TASP1: variants seen among roughly 807,000 people sequenced by gnomAD.
TASP1 encodes threonine aspartase 1.
A neutral mutation model predicts 56.6 loss-of-function variants in TASP1; 16 were observed. The observed-to-expected ratio is 0.28, with a 90% CI of 0.19 to 0.43. The LOEUF is 0.43. Ranked by LOEUF, TASP1 falls within the 20% of genes least tolerant of loss-of-function variation. The pLI, the probability that TASP1 is intolerant of heterozygous loss-of-function variation, is 1.00. For synonymous variants in TASP1, 179 were observed against 184.2 expected, an observed-to-expected ratio of 0.97 and a Z score of 0.23; for missense variants, 393 against 511.6, an observed-to-expected ratio of 0.77 and a Z score of 2.24.
chr20:13,124,042 C>T, the TASP1 span, among the ~76,000 whole-genome samples: 16 of 152,354 alleles, frequency 1.1e-4, no homozygotes, highest in Non-Finnish European at 2.1e-4. Context: ...CCAAAGTGAA[C>T]TTTCCGGATA....
chr20:13,437,229 A>T (rs2043036235), intron 11 of TASP1, among the ~76,000 whole-genome samples: 1 of 152,212 alleles, frequency 6.6e-6, no homozygotes, highest in Admixed American at 6.5e-5. Flanking sequence ...AACATAGTCC[A>T]GCATATAAAC....
At chr20:13,520,611 C>T (rs866688264) in intron 10 of TASP1, among the ~76,000 whole-genome samples, 1 of 152,140 alleles carries the variant, frequency 6.6e-6, no homozygotes, top group African/African-American at 2.4e-5. Flanking sequence ...ACACCTTATA[C>T]AAAAATTAAT....
chr20:13,224,752 A>G, the TASP1 span, among the ~76,000 whole-genome samples: 1 of 152,180 alleles, frequency 6.6e-6, no homozygotes, highest in Admixed American at 6.5e-5. Context: ...AGTAGTAGTA[A>G]GAAAAGCAAC....
At position 13,456,348 on chromosome 20, in the gene TASP1, A is replaced by G. The variant is rs546111963; in HGVS notation, c.986-21194T>C. 4.6e-5 allele frequency among the ~76,000 whole-genome samples: 7 copies of G among 152,210 alleles called. No homozygotes were observed. The East Asian group carries it at 1.2e-3, about 25-fold the overall frequency. On this transcript the variant is annotated intron_variant, in intron 11 of 13. Coordinates refer to ENST00000337743, the MANE Select transcript of TASP1 (RefSeq NM_017714.3). ...CCAGAGAGTCCTCTACCACAACAACATCCTGCTCACTCCTCTCATCAAACA... is the reference window on the plus strand; with the variant it reads ...CCAGAGAGTCCTCTACCACAACAACGTCCTGCTCACTCCTCTCATCAAACA...
chr20:13,105,124 G>C, the TASP1 span, among the ~76,000 whole-genome samples: 1 of 152,298 alleles, frequency 6.6e-6, no homozygotes, highest in South Asian at 2.1e-4. Context: ...CCCACGCACT[G>C]TAGCCTTGTA....
the TASP1 span, chr20:13,126,525 T>C: frequency 1.9e-6 from 3 of 1,582,778 alleles, no homozygotes; most frequent in South Asian, 1.2e-5. Flanking sequence ...TGGGACTAGA[T>C]GTAATTCCCA....
chr20:13,588,592 A>T (rs1305244286), intron 4 of TASP1, among the ~76,000 whole-genome samples: 1 of 152,230 alleles, frequency 6.6e-6, no homozygotes, highest in Non-Finnish European at 1.5e-5. Context: ...AAAAAACAGA[A>T]ATACATTTTT....
At chr20:13,598,290 A>C (rs1303820326) in intron 4 of TASP1, among the ~76,000 whole-genome samples, 1 of 152,200 alleles carries the variant, frequency 6.6e-6, no homozygotes, top group Non-Finnish European at 1.5e-5. Flanking sequence ...CTATACTACA[A>C]GGCTACAGTA....
At chr20:13,560,233 T>C (rs2147076624) in intron 7 of TASP1, among the ~76,000 whole-genome samples, 1 of 152,276 alleles carries the variant, frequency 6.6e-6, no homozygotes, top group South Asian at 2.1e-4. Context: ...TTCAGAGTAA[T>C]TATCCACAGA....
At chr20:13,537,879 AAC>A (rs2045473535) in intron 8 of TASP1, among the ~76,000 whole-genome samples, 1 of 152,222 alleles carries the variant, frequency 6.6e-6, no homozygotes, top group South Asian at 2.1e-4. Flanking sequence ...GAATTAAAGT[AAC>A]AGATGTAAAC....
At chr20:13,596,533 T>C (rs1197040575) in intron 4 of TASP1, among the ~76,000 whole-genome samples, 9 of 152,110 alleles carry the variant, frequency 5.9e-5, no homozygotes, top group African/African-American at 1.7e-4. Context: ...TTTAAAGCAG[T>C]GTGTAGACGG....
the TASP1 span, among the ~76,000 whole-genome samples, chr20:13,202,969 G>A: frequency 1.3e-5 from 2 of 152,208 alleles, no homozygotes; most frequent in Admixed American, 1.3e-4. Flanking sequence ...TATGTAAGGA[G>A]GCAGCTTTAG....
At chr20:13,301,198 AT>A in the TASP1 span, among the ~76,000 whole-genome samples, 89 of 148,860 alleles carry the variant, frequency 6.0e-4, no homozygotes, top group African/African-American at 1.5e-3. Flanking sequence ...TCATTTACAC[AT>A]TTTTTTTTTG....
the TASP1 span, among the ~76,000 whole-genome samples, chr20:13,248,430 T>C: frequency 2.2e-4 from 34 of 151,810 alleles, no homozygotes; most frequent in Admixed American, 2.1e-3. Flanking sequence ...GAGGAAGCTA[T>C]TTTTTTAATG....
chr20:13,276,464 G>A, the TASP1 span, among the ~76,000 whole-genome samples: 8 of 152,196 alleles, frequency 5.3e-5, no homozygotes, highest in South Asian at 2.1e-4. Context: ...CAGAATTATC[G>A]AAATGGGCAC....
In TASP1 at chr20:13,389,584, C is replaced by T. The variant is rs2041201356; in HGVS notation, c.*776G>A. On this transcript the variant is annotated 3_prime_UTR_variant, in exon 14 of 14. Coordinates refer to ENST00000337743, the MANE Select transcript of TASP1 (RefSeq NM_017714.3). ...ATTGTAAATAACTTTCCATTATACA[C>T]AAATTAAGGACTGTGCATTACTGTA... is the stretch of plus-strand genomic sequence containing the variant. 6.6e-6 allele frequency: 1 copy of T among 152,582 alleles called. No individual in the cohort carries two copies. Among genetic ancestry groups the T allele is most frequent in the African/African-American group, 2.4e-5 (1 of 41,410 alleles). The allele number at this position is 152,582 out of a possible 1,614,324, so 9.5% of individuals were successfully genotyped here.
At chr20:13,235,692 C>CT in the TASP1 span, among the ~76,000 whole-genome samples, 1 of 152,172 alleles carries the variant, frequency 6.6e-6, no homozygotes, top group East Asian at 1.9e-4. Context: ...CACTTTCCAT[C>CT]TTTTTTCAGA....
At chr20:13,252,011 G>A in the TASP1 span, among the ~76,000 whole-genome samples, 2 of 152,148 alleles carry the variant, frequency 1.3e-5, no homozygotes, top group South Asian at 2.1e-4. Flanking sequence ...TTTGCTGGAG[G>A]AAAGCAAAGC....
intron 12 of TASP1, 61 bp downstream of exon 12, chr20:13,434,983 T>C (rs537940214): frequency 1.6e-6 from 2 of 1,247,706 alleles, no homozygotes; most frequent in South Asian, 1.4e-5. Flanking sequence ...GGTATAAATA[T>C]TTTCATTTTT....
Sources: allele counts gnomAD v4.1 joint callset (sites outside exome capture counted in the v4.1 genomes callset), GRCh38; gene constraint gnomAD v4.1.1; transcripts MANE v1.5; gene names NCBI Gene and HGNC (gene_info 2026-07-23, HGNC 2026-07-21).